NOMO3: variants seen among roughly 807,000 people sequenced by gnomAD.
NOMO3 encodes the protein NODAL modulator 3, also known as BOS complex subunit NOMO3.
NOMO3 carries 15 observed loss-of-function variants against 69.9 expected under a neutral mutation model. That is an observed-to-expected ratio of 0.21 (90% confidence interval 0.14 to 0.33). NOMO3 has a LOEUF of 0.33. Ranked by LOEUF, NOMO3 falls within the 10% of genes least tolerant of loss-of-function variation. The probability of loss-of-function intolerance (pLI) is 1.00; values close to 1 mark genes in which losing one functional copy is unlikely to be tolerated. For missense variants in NOMO3, 218 were observed against 761.0 expected (o/e 0.29, Z 8.39); for synonymous variants, 89 against 301.9 (o/e 0.29, Z 7.31).
intron 9 of NOMO3, among the ~76,000 whole-genome samples, chr16:16,254,963 C>T (rs1422300400): frequency 7.0e-6 from 1 of 143,674 alleles, no homozygotes; most frequent in Non-Finnish European, 1.5e-5. Context: ...TGCTGCTTCA[C>T]ACAGGCTGGC....
At chr16:16,269,369 A>G (rs1199358794) in intron 16 of NOMO3, among the ~76,000 whole-genome samples, 2 of 143,638 alleles carry the variant, frequency 1.4e-5, no homozygotes, top group Admixed American at 6.8e-5. Flanking sequence ...CTGGCCAGGA[A>G]GAGATGCTCT....
chr16:16,267,361 G>T (rs2049628028), intron 16 of NOMO3: 5 of 480,406 alleles, frequency 1.0e-5, no homozygotes, highest in Non-Finnish European at 1.4e-5. Flanking sequence ...TCTTTATAGA[G>T]CTGTTTTAAA....
chr16:16,262,918 G>A (rs1406592262), intron 12 of NOMO3, among the ~76,000 whole-genome samples, 156 bp from the exon 13 acceptor site: 1 of 143,160 alleles, frequency 7.0e-6, no homozygotes, highest in Non-Finnish European at 1.5e-5. Flanking sequence ...CAAGTTATTC[G>A]TGGATTTGTT....
At chr16:16,273,584 T>C in intron 18 of NOMO3, 105 bp from the exon 19 acceptor site, 1 of 209,784 alleles carries the variant, frequency 4.8e-6, no homozygotes, top group Non-Finnish European at 7.9e-6. Context: ...CATGATAAGA[T>C]GTCCAGTTTG....
chr16:16,256,345 G>T (rs1196288787), intron 11 of NOMO3, among the ~76,000 whole-genome samples, 187 bp downstream of exon 11: 1 of 119,708 alleles, frequency 8.4e-6, no homozygotes, highest in Non-Finnish European at 1.6e-5. Flanking sequence ...GTGCCATCTC[G>T]ACTCACTGCA....
At chr16:16,236,330 C>T (rs1352811226) in intron 1 of NOMO3, among the ~76,000 whole-genome samples, 2 of 142,682 alleles carry the variant, frequency 1.4e-5, no homozygotes, top group Non-Finnish European at 3.0e-5. Flanking sequence ...CTGCAACCTC[C>T]GCCTCCTGAG....
chr16:16,263,343 T>C (rs1336812235), intron 13 of NOMO3, 128 bp downstream of exon 13: 30 of 1,581,624 alleles, frequency 1.9e-5, no homozygotes, highest in East Asian at 2.5e-5. Flanking sequence ...GGGAGGCTTC[T>C]TGGAGTCAGG....
rs1159734694 is a variant in NOMO3, at chr16:16,234,128, C to T, written c.165+1297C>T. Reference sequence around the variant, plus strand: ...ATTGAATGAATCTACCCACTGGCAGCGGCAGGGCTCCTAGGATTTCCTGGG... The same window carrying T: ...ATTGAATGAATCTACCCACTGGCAGTGGCAGGGCTCCTAGGATTTCCTGGG... On this transcript the variant is annotated intron_variant, in intron 1 of 30. Coordinates refer to ENST00000399336, the MANE Select transcript of NOMO3 (RefSeq NM_001004067.4). Among the ~76,000 whole-genome samples the T allele has an allele frequency of 2.0e-5, 3 of 152,026 alleles. No homozygotes were observed. In the South Asian group the frequency reaches 6.2e-4, roughly 32 times the overall value.
At chr16:16,250,142 G>A (rs1269100901) in intron 6 of NOMO3, among the ~76,000 whole-genome samples, 2 of 134,806 alleles carry the variant, frequency 1.5e-5, no homozygotes, top group Non-Finnish European at 3.0e-5. Flanking sequence ...ACAGCTGGAC[G>A]TTTGTCTTAT....
At chr16:16,237,670 T>C (rs959194149) in intron 2 of NOMO3, among the ~76,000 whole-genome samples, 1 of 143,300 alleles carries the variant, frequency 7.0e-6, no homozygotes, top group African/African-American at 2.8e-5. Flanking sequence ...TTCCTCAGCC[T>C]CCTGAATAGC....
At chr16:16,265,670 A>G (rs59403491) in intron 15 of NOMO3, among the ~76,000 whole-genome samples, 2,637 of 14,990 alleles carry the variant, frequency 0.18, 1 homozygote, top group East Asian at 0.25. Flanking sequence ...ATATATATAT[A>G]TTTTTTTTTT....
At position 16,237,318 on chromosome 16, in the gene NOMO3, T is replaced by C. The variant is rs1042354167; in HGVS notation, c.255+328T>C. Among the ~76,000 whole-genome samples, 31 of 144,182 alleles carry C rather than the reference T, an allele frequency of 2.2e-4. 8 individuals are homozygous for C. The highest frequency in any genetic ancestry group is 8.4e-4 in the African/African-American group (30 of 35,780). 94.6% of individuals were successfully genotyped at this position (144,182 alleles called of 152,430 possible). A position where few individuals can be genotyped will look rare whatever the true frequency, so the allele number is the denominator to read the frequency against. ...AGTGCTGCCTACGACAGCCCAGATG[T>C]CAGTAGTGCCAGGGCTGAGAAACTC... On this transcript the variant is annotated intron_variant, in intron 2 of 30. Transcript: ENST00000399336.
chr16:16,269,226 C>T (rs2049643196), intron 16 of NOMO3, among the ~76,000 whole-genome samples: 1 of 141,668 alleles, frequency 7.1e-6, no homozygotes, highest in African/African-American at 3.0e-5. Flanking sequence ...ACTTCTATCC[C>T]CTTCTTGCAT....
At chr16:16,265,280 G>A (rs768431068) in intron 15 of NOMO3, 101 bp downstream of exon 15, 1 of 1,581,328 alleles carries the variant, frequency 6.3e-7, no homozygotes, top group Admixed American at 1.7e-5. Flanking sequence ...AGGCAAGTCA[G>A]ATTTCCTTTT....
intron 3 of NOMO3, among the ~76,000 whole-genome samples, chr16:16,240,226 CT>C (rs2141247286): frequency 6.9e-6 from 1 of 144,722 alleles, no homozygotes; most frequent in Admixed American, 6.7e-5. Context: ...CCCAGGATGG[CT>C]TCTTTTTTAG....
At chr16:16,254,706 G>A (rs1567563020) in intron 9 of NOMO3, among the ~76,000 whole-genome samples, 1 of 143,414 alleles carries the variant, frequency 7.0e-6, no homozygotes, top group Non-Finnish European at 1.5e-5. Flanking sequence ...AATCGAACGA[G>A]GACATTTCAG....
chr16:16,244,272 G>A (rs1455113184), intron 4 of NOMO3, among the ~76,000 whole-genome samples: 2 of 141,118 alleles, frequency 1.4e-5, no homozygotes, highest in South Asian at 2.3e-4. Context: ...TTTCTTTATC[G>A]ATGGTTTGCA....
rs1367132248 is a variant in NOMO3 at position 16,265,323 on chromosome 16, G to A, written c.1806+144G>A. ...TGCACTCACCCACCTGTTACGCAAC[G>A]CATAATCAGGAAGCATTTATACTCT... On this transcript the variant is annotated intron_variant, in intron 15 of 30. Coordinates refer to ENST00000399336, the MANE Select transcript of NOMO3 (RefSeq NM_001004067.4). The A allele has an allele frequency of 1.1e-5, 16 of 1,499,636 alleles. 2 individuals are homozygous for A. The South Asian group carries it at 1.1e-4, about 10-fold the overall frequency. The allele number at this position is 1,499,636 out of a possible 1,614,324, so 92.9% of individuals were successfully genotyped here. A position where few individuals can be genotyped will look rare whatever the true frequency, so the allele number is the denominator to read the frequency against.
intron 1 of NOMO3, among the ~76,000 whole-genome samples, chr16:16,234,150 TGG>T (rs1470180777): frequency 6.6e-6 from 1 of 151,962 alleles, no homozygotes; most frequent in African/African-American, 2.4e-5. Context: ...TAGGATTTCC[TGG>T]GTACATGTTT....
Sources: gnomAD v4.1 joint callset for allele counts (sites outside exome capture counted in the v4.1 genomes callset) on GRCh38, gnomAD v4.1.1 for gene constraint, MANE v1.5 for transcripts, NCBI Gene and HGNC (gene_info 2026-07-23, HGNC 2026-07-21) for gene names.